RBL1: variants seen among roughly 807,000 people sequenced by gnomAD.
RBL1 encodes the protein RB transcriptional corepressor like 1.
RBL1 carries 82 observed loss-of-function variants against 123.0 expected under a neutral mutation model. That is an observed-to-expected ratio of 0.67 (90% confidence interval 0.56 to 0.80). The LOEUF (loss-of-function observed/expected upper bound fraction) is 0.80, where lower values mean the gene tolerates loss of function less well. Ranked by LOEUF, RBL1 falls within the 30% of genes least tolerant of loss-of-function variation. The pLI, the probability that RBL1 is intolerant of heterozygous loss-of-function variation, is 0.00. For synonymous variants in RBL1, 405 were observed against 441.3 expected (o/e 0.92, Z 1.03); for missense variants, 1,171 against 1,299.6 (o/e 0.90, Z 1.52).
intron 9 of RBL1, among the ~76,000 whole-genome samples, chr20:37,059,171 T>A (rs2146291112): frequency 6.6e-6 from 1 of 152,370 alleles, no homozygotes; most frequent in South Asian, 2.1e-4. Flanking sequence ...CAGATCTATT[T>A]ACTCAAATGA....
Position 37,065,481 on chromosome 20 carries a change from C to T in RBL1, c.847-8G>A. ...GCATTCTCCTTTTAATATCTGTGAA[C>T]AAAAAATTATTTTGGGACACCATAT... On this transcript the variant is annotated splice_region_variant and splice_polypyrimidine_tract_variant and intron_variant, in intron 6 of 21. Coordinates refer to ENST00000373664, the MANE Select transcript of RBL1 (RefSeq NM_002895.5). 6.3e-6 allele frequency: 10 copies of T among 1,581,204 alleles called. No homozygotes were observed. The highest frequency in any genetic ancestry group is 8.6e-6 in the Non-Finnish European group (10 of 1,158,614).
intron 2 of RBL1, 29 bp from the exon 3 acceptor site, chr20:37,068,215 C>G (rs1290222022): frequency 1.3e-6 from 2 of 1,524,266 alleles, no homozygotes; most frequent in African/African-American, 2.8e-5. Flanking sequence ...AGAAAAAAGG[C>G]ACCTTTAAAA....
intron 19 of RBL1, among the ~76,000 whole-genome samples, chr20:37,010,202 A>T (rs1488719376): frequency 1.3e-5 from 2 of 150,878 alleles, no homozygotes; most frequent in African/African-American, 4.9e-5. Context: ...GGTCTCCCAA[A>T]GTGCTGGGAT....
At chr20:37,062,322 T>C in intron 7 of RBL1, 52 bp from the exon 8 acceptor site, 1 of 1,572,544 alleles carries the variant, frequency 6.4e-7, no homozygotes, top group Non-Finnish European at 8.6e-7. Context: ...AATGGATTTA[T>C]TTTGACTTGA....
chr20:37,001,251 T>C (rs2063975087), intron 21 of RBL1, among the ~76,000 whole-genome samples: 1 of 151,768 alleles, frequency 6.6e-6, no homozygotes, highest in Non-Finnish European at 1.5e-5. Context: ...CCACCCCGTC[T>C]GGGAGGTGTA....
chr20:37,070,369 G>A (rs939135601), intron 2 of RBL1, among the ~76,000 whole-genome samples: 4 of 151,888 alleles, frequency 2.6e-5, no homozygotes, highest in Non-Finnish European at 4.4e-5. Flanking sequence ...GAAAACCAGA[G>A]ACCTTTGTTC....
intron 21 of RBL1, among the ~76,000 whole-genome samples, chr20:37,001,934 A>G (rs1365993843): frequency 6.0e-5 from 9 of 151,196 alleles, no homozygotes; most frequent in Non-Finnish European, 1.3e-4. Flanking sequence ...AAAAAAAAAA[A>G]AAAAAAAACA....
Position 37,032,768 on chromosome 20 carries a change from C to T in RBL1, c.2279G>A (p.Gly760Asp). 6.2e-7 allele frequency: 1 copy of T among 1,613,958 alleles called. No individual in the cohort carries two copies. The highest frequency in any genetic ancestry group is 8.5e-7 in the Non-Finnish European group (1 of 1,179,974). ...CAGATTGGTCTGTTTTGGAGAAGCA[C>T]CAATTAATGAATGAGCAGTAAGTGA... ...PVSLTAHSLI[G>D]ASPKQTNLTK... is the part of the protein sequence containing the mutation. The change falls in exon 16 of 22, where the codon GGT becomes GAT. Residue 760 changes from glycine (G) to aspartate (D), a missense_variant. Physicochemically the swap from Gly to Asp is moderately conservative, Grantham distance 94 (BLOSUM62 -1). Transcript: ENST00000373664.
At chr20:37,010,018 T>A (rs1471028016) in intron 19 of RBL1, among the ~76,000 whole-genome samples, 3 of 149,874 alleles carry the variant, frequency 2.0e-5, no homozygotes, top group African/African-American at 7.3e-5. Context: ...GAGCAAGATC[T>A]CATCTCTAAA....
chr20:37,001,566 G>C (rs1023133957), intron 21 of RBL1, among the ~76,000 whole-genome samples: 1 of 151,680 alleles, frequency 6.6e-6, no homozygotes, highest in Non-Finnish European at 1.5e-5. Context: ...AAGGCAGCAT[G>C]CTCGTTAAGA....
At chr20:37,044,056 G>A (rs1223709932) in intron 13 of RBL1, 30 bp downstream of exon 13, 2 of 664,528 alleles carry the variant, frequency 3.0e-6, no homozygotes, top group Non-Finnish European at 4.5e-6. Flanking sequence ...TTTTTTTAAT[G>A]ATACGATTAT....
chr20:37,068,852 C>G (rs747885432), intron 2 of RBL1, among the ~76,000 whole-genome samples: 1 of 151,520 alleles, frequency 6.6e-6, no homozygotes, highest in Non-Finnish European at 1.5e-5. Context: ...TCCCTCTCCC[C>G]ACGGTCTCCC....
chr20:37,025,970 C>G (rs1234989637), intron 16 of RBL1, among the ~76,000 whole-genome samples: 1 of 152,018 alleles, frequency 6.6e-6, no homozygotes. Flanking sequence ...GTCTCGAACT[C>G]CTGACCTCAT....
chr20:37,084,483 T>C (rs2065508038), intron 2 of RBL1, among the ~76,000 whole-genome samples: 1 of 152,114 alleles, frequency 6.6e-6, no homozygotes, highest in African/African-American at 2.4e-5. Context: ...GTATAATTTA[T>C]GTTTTAAAAA....
intron 19 of RBL1, 118 bp downstream of exon 19, chr20:37,018,161 T>C (rs1481913751): frequency 1.7e-6 from 2 of 1,154,736 alleles, no homozygotes; most frequent in South Asian, 2.3e-5. Flanking sequence ...TCAAAACATA[T>C]GCATTGTCCA....
At position 37,022,838 on chromosome 20, in the gene RBL1, G is replaced by T; in HGVS notation, c.2383-12C>A. The T allele has an allele frequency of 6.3e-7, 1 of 1,584,606 alleles. No homozygotes were observed. The highest frequency in any genetic ancestry group is 8.6e-7 in the Non-Finnish European group (1 of 1,162,470). On this transcript the variant is annotated splice_polypyrimidine_tract_variant and intron_variant, in intron 16 of 21. Transcript: ENST00000373664. The stretch of plus-strand genomic sequence containing the variant: ...GCCAAATGATAGACCTAAAATAGAA[G>T]GTAACACATTGATGCAAAACACCAA...
intron 14 of RBL1, among the ~76,000 whole-genome samples, chr20:37,038,504 T>C (rs2064666851): frequency 6.6e-6 from 1 of 150,868 alleles, no homozygotes; most frequent in African/African-American, 2.4e-5. Flanking sequence ...TTTCTCCATC[T>C]TGGCCAGGCT....
chr20:37,069,538 T>C (rs1305183132), intron 2 of RBL1, among the ~76,000 whole-genome samples: 2 of 151,166 alleles, frequency 1.3e-5, no homozygotes, highest in African/African-American at 4.9e-5. Flanking sequence ...CGACCCCGTC[T>C]GGGAGGTGAG....
chr20:37,075,518 C>T (rs531814491), intron 2 of RBL1, among the ~76,000 whole-genome samples: 7 of 152,048 alleles, frequency 4.6e-5, no homozygotes, highest in South Asian at 2.1e-4. Flanking sequence ...TGCAGTGGCG[C>T]GATCTTGGCT....
Sources: allele counts gnomAD v4.1 joint callset (sites outside exome capture counted in the v4.1 genomes callset), GRCh38; gene constraint gnomAD v4.1.1; transcripts MANE v1.5; gene names NCBI Gene and HGNC (gene_info 2026-07-23, HGNC 2026-07-21).